Variants in CSTPP1 observed in about 807,000 individuals in gnomAD.
The protein encoded by CSTPP1 is centriolar satellite-associated tubulin polyglutamylase complex regulator 1.
At chr11:46,985,436 A>G in the CSTPP1 span, among the ~76,000 whole-genome samples, 2 of 152,216 alleles carry the variant, frequency 1.3e-5, no homozygotes, top group African/African-American at 4.8e-5. Context: ...TTTGGCAGCA[A>G]CTTCATAGAA....
At chr11:47,074,525 A>G in the CSTPP1 span, among the ~76,000 whole-genome samples, 2 of 143,700 alleles carry the variant, frequency 1.4e-5, no homozygotes, top group Non-Finnish European at 3.1e-5. Context: ...AAAAAAACAG[A>G]AAAAAAAAAA....
the CSTPP1 span, chr11:47,160,443 G>A: frequency 6.6e-6 from 1 of 152,314 alleles, no homozygotes; most frequent in East Asian, 1.9e-4. Flanking sequence ...ATAGAAATCC[G>A]GAGATACACT....
At chr11:47,157,229 G>C in the CSTPP1 span, 1 of 1,550,046 alleles carries the variant, frequency 6.5e-7, no homozygotes. Context: ...GTGAGGAACG[G>C]GCATGCAGCC....
the CSTPP1 span, among the ~76,000 whole-genome samples, chr11:47,006,280 T>C: frequency 6.6e-6 from 1 of 152,228 alleles, no homozygotes; most frequent in Admixed American, 6.5e-5. Context: ...GGTTGGCAGC[T>C]GTTTTACCAT....
chr11:47,068,652 C>T, the CSTPP1 span, among the ~76,000 whole-genome samples: 1 of 152,144 alleles, frequency 6.6e-6, no homozygotes, highest in Non-Finnish European at 1.5e-5. Flanking sequence ...CTGCCATTGC[C>T]TTTCCAGTCA....
chr11:47,132,885 G>A, the CSTPP1 span, among the ~76,000 whole-genome samples: 2 of 152,262 alleles, frequency 1.3e-5, no homozygotes, highest in East Asian at 1.9e-4. Flanking sequence ...CTTCCTAGCT[G>A]TTTCCTTGAG....
the CSTPP1 span, among the ~76,000 whole-genome samples, chr11:47,156,466 C>G: frequency 6.6e-6 from 1 of 152,252 alleles, no homozygotes; most frequent in Non-Finnish European, 1.5e-5. Flanking sequence ...ACTGACTCAT[C>G]AGCAGCTTTC....
chr11:46,971,091 T>A, the CSTPP1 span, among the ~76,000 whole-genome samples: 1 of 152,158 alleles, frequency 6.6e-6, no homozygotes, highest in South Asian at 2.1e-4. Flanking sequence ...TCACATGTAG[T>A]GTAAGTTATG....
the CSTPP1 span, among the ~76,000 whole-genome samples, chr11:47,110,616 G>A: frequency 3.3e-5 from 5 of 152,148 alleles, no homozygotes; most frequent in African/African-American, 1.2e-4. Context: ...ATGCCACAAA[G>A]TATGCCCACT....
the CSTPP1 span, among the ~76,000 whole-genome samples, chr11:47,039,627 A>G: frequency 7.8e-6 from 1 of 127,848 alleles, no homozygotes; most frequent in African/African-American, 2.5e-5. Context: ...TCACGAGGTC[A>G]GGAGATCGAG....
At chr11:47,002,180 C>T in the CSTPP1 span, among the ~76,000 whole-genome samples, 6 of 151,480 alleles carry the variant, frequency 4.0e-5, no homozygotes, top group Non-Finnish European at 8.8e-5. Context: ...TTCCCACAGA[C>T]TCAGATAATT....
At chr11:47,137,940 C>T in the CSTPP1 span, 3 of 606,424 alleles carry the variant, frequency 4.9e-6, no homozygotes, top group African/African-American at 5.6e-5. Flanking sequence ...TGTGGGGAGC[C>T]TCAGGGTCTG....
At chr11:47,007,335 A>G in the CSTPP1 span, among the ~76,000 whole-genome samples, 1 of 151,980 alleles carries the variant, frequency 6.6e-6, no homozygotes, top group Non-Finnish European at 1.5e-5. Context: ...CCAGCCCATC[A>G]TTTTGTAGTT....
the CSTPP1 span, among the ~76,000 whole-genome samples, chr11:47,071,832 A>C: frequency 6.6e-6 from 1 of 152,272 alleles, no homozygotes; most frequent in Admixed American, 6.5e-5. Context: ...CAGGAAATAG[A>C]GAAAACCCTC....
At chr11:46,977,816 C>T in the CSTPP1 span, among the ~76,000 whole-genome samples, 1 of 152,142 alleles carries the variant, frequency 6.6e-6, no homozygotes, top group Non-Finnish European at 1.5e-5. Flanking sequence ...TGCATTTTTT[C>T]GCTTTACCTT....
chr11:47,152,679 C>G, the CSTPP1 span, among the ~76,000 whole-genome samples: 6 of 152,166 alleles, frequency 3.9e-5, no homozygotes, highest in African/African-American at 1.4e-4. Flanking sequence ...TACTAAAAAA[C>G]TGAATTGTAC....
chr11:47,106,604 C>T, the CSTPP1 span, among the ~76,000 whole-genome samples: 2 of 151,534 alleles, frequency 1.3e-5, no homozygotes, highest in Non-Finnish European at 2.9e-5. Flanking sequence ...GATCACACCA[C>T]TGCACTCCAG....
the CSTPP1 span, among the ~76,000 whole-genome samples, chr11:46,992,627 C>CA: frequency 6.6e-6 from 1 of 152,112 alleles, no homozygotes; most frequent in Non-Finnish European, 1.5e-5. Context: ...TTTCTTAACC[C>CA]AGTCTATCAT....
chr11:47,075,217 C>T, the CSTPP1 span, among the ~76,000 whole-genome samples: 1 of 151,854 alleles, frequency 6.6e-6, no homozygotes. Flanking sequence ...ACTAAAACTA[C>T]AAAAATTAGC....
Sources: gnomAD v4.1 joint callset for allele counts (sites outside exome capture counted in the v4.1 genomes callset) on GRCh38, gnomAD v4.1.1 for gene constraint, MANE v1.5 for transcripts, NCBI Gene and HGNC (gene_info 2026-07-23, HGNC 2026-07-21) for gene names.